Variants in MRPL34 observed in about 807,000 individuals in gnomAD.
The protein encoded by MRPL34 is mitochondrial ribosomal protein L34, also known as large ribosomal subunit protein bL34m.
Under a neutral mutation model 6.7 loss-of-function variants are expected in MRPL34, and 8 were observed. The ratio of observed to expected loss-of-function variants is 1.20; its 90% CI spans 0.70 to 2.16. MRPL34 has a LOEUF of 2.16. Ranked by LOEUF, MRPL34 falls within the 30% of genes most tolerant of loss-of-function variation. The probability of loss-of-function intolerance (pLI) is 0.00; values close to 1 mark genes in which losing one functional copy is unlikely to be tolerated. For synonymous variants in MRPL34, 59 were observed against 55.1 expected, an observed-to-expected ratio of 1.07 and a Z score of -0.31; for missense variants, 146 against 125.5, an observed-to-expected ratio of 1.16 and a Z score of -0.78.
Position 17,306,333 on chromosome 19 carries a change from T to G in MRPL34, c.233T>G (p.Val78Gly), listed in dbSNP as rs755048809. Residue 78 changes from valine to glycine, a missense_variant, in exon 2 of 2, where the codon GTC becomes GGC. By Grantham distance (109) the Val-to-Gly change is moderately radical. Transcript: ENST00000252602. ...CTGAGCACGCCGGCCGGCGTGCAGG[T>G]CATCCTTCGCCGAATGCTCAAGGGC... is the stretch of plus-strand genomic sequence containing the variant. ...RRLSTPAGVQ[V>G]ILRRMLKGRK... 1 of 1,609,732 alleles carries G rather than the reference T, an allele frequency of 6.2e-7. No individual in the cohort carries two copies. The highest frequency in any genetic ancestry group is 8.5e-7 in the Non-Finnish European group (1 of 1,179,150).
At chr19:17,303,409 G>C (rs927781340), upstream of MRPL34, 1 of 152,310 alleles carries the variant, frequency 6.6e-6, no homozygotes, top group African/African-American at 2.4e-5. Context: ...CGCGGCCGCC[G>C]AAACAGCCGG....
intron 1 of MRPL34, chr19:17,294,459 C>T: frequency 6.2e-7 from 1 of 1,614,174 alleles, no homozygotes; most frequent in Non-Finnish European, 8.5e-7. Context: ...CGTTGCCCTC[C>T]TTTAACAGCT....
chr19:17,294,597 C>T (rs1306138734), intron 1 of MRPL34: 10 of 1,605,574 alleles, frequency 6.2e-6, no homozygotes, highest in African/African-American at 4.0e-5. Context: ...GCGGTACAGT[C>T]CCCCCTCCCA....
upstream of MRPL34, chr19:17,303,200 C>T (rs1350669495): frequency 2.6e-5 from 4 of 152,246 alleles, no homozygotes; most frequent in Non-Finnish European, 5.9e-5. Flanking sequence ...GTGGAGGCCC[C>T]GGGGCTTCGA....
chr19:17,295,065 A>T (rs1186191121), intron 1 of MRPL34, among the ~76,000 whole-genome samples: 2 of 147,414 alleles, frequency 1.4e-5, no homozygotes, highest in Non-Finnish European at 3.0e-5. Flanking sequence ...CTGAGATTGC[A>T]GGCGCACACC....
At chr19:17,301,271 C>T (rs749756854), upstream of MRPL34, 8 of 1,603,150 alleles carry the variant, frequency 5.0e-6, no homozygotes, top group Non-Finnish European at 5.9e-6. Context: ...ACCTCCAGGG[C>T]GGCCGGCGGC....
At chr19:17,302,452 G>T (rs75694893), upstream of MRPL34, among the ~76,000 whole-genome samples, 1,135 of 152,224 alleles carry the variant, frequency 7.5e-3, 6 homozygotes, top group African/African-American at 0.025. Context: ...GCCTCCTAAG[G>T]CATCTAAAAT....
At position 17,305,967 on chromosome 19, in the gene MRPL34, CAG is replaced by C; in HGVS notation, c.65+11_65+12del. The stretch of plus-strand genomic sequence containing the variant: ...CGTTGCTGGGTGGCAGGTAAGTCCT[CAG>C]GGGGACCCTTCCCCAAATCAGGGAA... On this transcript the variant is annotated intron_variant, in intron 1 of 1. Transcript: ENST00000252602. 6.2e-7 allele frequency: 1 copy of C among 1,614,032 alleles called. No homozygotes were observed. The highest frequency in any genetic ancestry group is 8.5e-7 in the Non-Finnish European group (1 of 1,179,934).
rs1452094909 is a variant in MRPL34 at position 17,305,886 on chromosome 19, T to C, written c.-7T>C. On this transcript the variant is annotated 5_prime_UTR_variant, in exon 1 of 2. Coordinates refer to ENST00000252602, the MANE Select transcript of MRPL34 (RefSeq NM_023937.4). The stretch of plus-strand genomic sequence containing the variant: ...CCGCAGCCGGTACTGCGGGACCCAC[T>C]GCGGATATGGCTGTCTTGGCTGGAT... 6.2e-7 allele frequency: 1 copy of C among 1,613,914 alleles called. No individual in the cohort carries two copies. The highest frequency in any genetic ancestry group is 1.3e-5 in the African/African-American group (1 of 74,918).
upstream of MRPL34, among the ~76,000 whole-genome samples, chr19:17,301,776 T>TTGTGTGTGTGTGTGTGTGTG (rs10679164): frequency 2.0e-5 from 3 of 147,354 alleles, no homozygotes; most frequent in Non-Finnish European, 3.0e-5. Flanking sequence ...ATTTTTTTGT[T>TTGTGTGTGTGTGTGTGTGTG]TGTGTGTGTG....
upstream of MRPL34, chr19:17,303,185 C>T (rs1227359936): frequency 6.6e-6 from 1 of 152,258 alleles, no homozygotes; most frequent in Admixed American, 6.5e-5. Flanking sequence ...CACCACTCCT[C>T]CGAAGTGGAG....
chr19:17,302,711 A>G (rs2074126202), upstream of MRPL34, among the ~76,000 whole-genome samples: 1 of 152,214 alleles, frequency 6.6e-6, no homozygotes, highest in Admixed American at 6.5e-5. Context: ...AAGTCCCCAG[A>G]GGTGGCGAAG....
At chr19:17,294,282 C>T in intron 1 of MRPL34, 1 of 1,598,722 alleles carries the variant, frequency 6.3e-7, no homozygotes, top group East Asian at 2.2e-5. Flanking sequence ...AGGTGCCCGC[C>T]TCTACCTCGG....
upstream of MRPL34, chr19:17,301,738 G>T: frequency 2.4e-6 from 3 of 1,260,640 alleles, no homozygotes; most frequent in Admixed American, 1.0e-4. Context: ...TTTGGGGAGC[G>T]CCAGATCAAG....
intron 1 of MRPL34, among the ~76,000 whole-genome samples, chr19:17,297,035 C>T (rs2074096833): frequency 1.3e-5 from 2 of 152,192 alleles, no homozygotes; most frequent in Admixed American, 1.3e-4. Context: ...GAAGTTCCAA[C>T]AGTGACTGTA....
exon 1 of MRPL34, chr19:17,292,845 A>C: frequency 6.2e-7 from 1 of 1,608,342 alleles, no homozygotes; most frequent in Non-Finnish European, 8.5e-7. Flanking sequence ...CAGAAGACGC[A>C]GGGCTCAAGG....
chr19:17,301,548 T>A (rs1374803448), upstream of MRPL34: 2 of 1,608,430 alleles, frequency 1.2e-6, no homozygotes, highest in Non-Finnish European at 8.5e-7. Context: ...CGCTCTCCAG[T>A]GGCCCCACGG....
At chr19:17,294,924 CTTTGTT>C in intron 1 of MRPL34, 4 of 1,528,056 alleles carry the variant, frequency 2.6e-6, no homozygotes, top group African/African-American at 1.4e-5. Flanking sequence ...TTTTGTTTTG[CTTTGTT>C]TTTGTTTTTG....
At chr19:17,296,149 G>A (rs576413242) in intron 1 of MRPL34, 4 of 152,334 alleles carry the variant, frequency 2.6e-5, no homozygotes, top group Admixed American at 2.6e-4. Flanking sequence ...GTGAGTTTGA[G>A]TGTTGAGGAT....
Sources: allele counts gnomAD v4.1 joint callset (sites outside exome capture counted in the v4.1 genomes callset), GRCh38; gene constraint gnomAD v4.1.1; transcripts MANE v1.5; gene names NCBI Gene and HGNC (gene_info 2026-07-23, HGNC 2026-07-21).